ZNF395: variants seen among roughly 807,000 people sequenced by gnomAD.
ZNF395 encodes zinc finger protein 395, also known as HD gene regulatory region-binding protein 2.
In ZNF395, 20 loss-of-function variants were observed where a neutral mutation model predicts 57.7. The observed-to-expected ratio is 0.35, with a 90% confidence interval of 0.24 to 0.50. The LOEUF is 0.50. Among genes scored for constraint, ZNF395 ranks in the 20% least tolerant of loss-of-function variants. The pLI, the probability that ZNF395 is intolerant of heterozygous loss-of-function variation, is 0.97. For missense variants in ZNF395, 606 were observed against 671.2 expected, an observed-to-expected ratio of 0.90 and a Z score of 1.07; for synonymous variants, 295 against 275.9, an observed-to-expected ratio of 1.07 and a Z score of -0.69.
At chr8:28,366,297 G>GT (rs1801909865) in intron 1 of ZNF395, among the ~76,000 whole-genome samples, 1 of 152,162 alleles carries the variant, frequency 6.6e-6, no homozygotes, top group South Asian at 2.1e-4. Context: ...AGGAACAACA[G>GT]TTTAAGTTTT....
At chr8:28,375,636 ACTC>A (rs1372087161) in intron 1 of ZNF395, among the ~76,000 whole-genome samples, 2 of 151,924 alleles carry the variant, frequency 1.3e-5, no homozygotes, top group African/African-American at 4.8e-5. Context: ...TTAAAAAAGA[ACTC>A]CTCACACACA....
chr8:28,349,329 G>C, intron 8 of ZNF395, 101 bp from the exon 9 acceptor site: 1 of 880,940 alleles, frequency 1.1e-6, no homozygotes, highest in East Asian at 2.9e-5. Flanking sequence ...TCCTGGTGCA[G>C]AAGGCCTCGC....
intron 1 of ZNF395, among the ~76,000 whole-genome samples, chr8:28,385,725 G>C (rs1448791096): frequency 6.7e-6 from 1 of 148,610 alleles, no homozygotes; most frequent in Non-Finnish European, 1.5e-5. Context: ...GTCCCTGCGA[G>C]GGGCGAGTCC....
chr8:28,380,977 TA>T, intron 1 of ZNF395, among the ~76,000 whole-genome samples: 1 of 146,316 alleles, frequency 6.8e-6, no homozygotes, highest in East Asian at 2.0e-4. Context: ...GCCTCCTGAG[TA>T]GCTGGGAGTA....
chr8:28,378,182 G>A (rs528705443), intron 1 of ZNF395, among the ~76,000 whole-genome samples: 164 of 152,070 alleles, frequency 1.1e-3, no homozygotes, highest in Non-Finnish European at 1.9e-3. Flanking sequence ...AGCAGCCCTG[G>A]GTTCACAAAC....
chr8:28,378,533 A>G (rs1802072041), intron 1 of ZNF395, among the ~76,000 whole-genome samples: 2 of 152,110 alleles, frequency 1.3e-5, no homozygotes, highest in African/African-American at 4.8e-5. Context: ...GAGTCAATGC[A>G]CCTCACCTGT....
intron 1 of ZNF395, among the ~76,000 whole-genome samples, 161 bp from the exon 2 acceptor site, chr8:28,361,343 A>G (rs1801847232): frequency 6.6e-6 from 1 of 152,206 alleles, no homozygotes; most frequent in Non-Finnish European, 1.5e-5. Flanking sequence ...CAAACCACTG[A>G]GGAATCTGCC....
chr8:28,384,492 C>G (rs529648554), intron 1 of ZNF395, among the ~76,000 whole-genome samples: 11 of 152,166 alleles, frequency 7.2e-5, no homozygotes, highest in Non-Finnish European at 1.5e-4. Context: ...GTTACCATTC[C>G]CTCTCTTGGC....
Position 28,379,709 on chromosome 8 carries a change from A to G in ZNF395, c.-59+6684T>C, listed in dbSNP as rs918649071. Among the ~76,000 whole-genome samples the G allele has an allele frequency of 4.1e-4, 62 of 152,212 alleles. No individual in the cohort carries two copies. In the East Asian group the frequency reaches 0.011, roughly 27 times the overall value. On this transcript the variant is annotated intron_variant, in intron 1 of 9. Transcript: ENST00000344423. Reference sequence around the variant, plus strand: ...CTTGAGGTTGACACAGCGAGCAGGCACTCAAGATTAATCACTGAATGAATC... The same window carrying G: ...CTTGAGGTTGACACAGCGAGCAGGCGCTCAAGATTAATCACTGAATGAATC...
intron 7 of ZNF395, among the ~76,000 whole-genome samples, chr8:28,350,508 C>T (rs149555752): frequency 2.0e-5 from 3 of 152,324 alleles, no homozygotes; most frequent in South Asian, 2.1e-4. Flanking sequence ...AAGCCTTCTG[C>T]GTCTAGGGGG....
At chr8:28,353,665 A>C (rs1375377432) in intron 4 of ZNF395, among the ~76,000 whole-genome samples, 1 of 151,544 alleles carries the variant, frequency 6.6e-6, no homozygotes, top group Admixed American at 6.6e-5. Context: ...TTAAACAAAA[A>C]TTTTTTTTTA....
chr8:28,369,610 G>A (rs566458468), intron 1 of ZNF395, among the ~76,000 whole-genome samples: 4 of 152,280 alleles, frequency 2.6e-5, no homozygotes, highest in East Asian at 1.9e-4. Flanking sequence ...GCTCACTTTC[G>A]GTACCGGGTC....
chr8:28,351,750 C>A lies in ZNF395; in HGVS notation c.978G>T (p.Val326=). The change falls in exon 7 of 10, where the codon GTG becomes GTT. Residue 326 remains valine, a synonymous_variant. Coordinates refer to ENST00000344423, the MANE Select transcript of ZNF395 (RefSeq NM_018660.3). The stretch of plus-strand genomic sequence containing the variant: ...CAGCAGCAGATTCCTCCTTCAGCTG[C>A]ACCTCTGTGTAGTAGAAATCCTCCT... ...KREEDFYYTE[V]QLKEESAAAA... is the part of the protein sequence containing the mutation. 5 of 1,601,190 alleles carry A rather than the reference C, an allele frequency of 3.1e-6. No individual in the cohort carries two copies. Among genetic ancestry groups the A allele is most frequent in the Non-Finnish European group, 3.4e-6 (4 of 1,178,446 alleles).
At chr8:28,376,892 C>T (rs1802048890) in intron 1 of ZNF395, among the ~76,000 whole-genome samples, 1 of 152,186 alleles carries the variant, frequency 6.6e-6, no homozygotes. Flanking sequence ...ATTGCTTCAT[C>T]CCATATAAAA....
chr8:28,348,823 G>C lies in ZNF395; in HGVS notation c.1438C>G (p.Arg480Gly). The change falls in exon 10 of 10, where the codon CGA becomes GGA. Residue 480 changes from arginine to glycine, a missense_variant. By Grantham distance (125) the Arg-to-Gly change is moderately radical. Transcript: ENST00000344423. ...PRAQSGARKA[R>G]GEAKKCRKVY... The stretch of plus-strand genomic sequence containing the variant: ...TTGCGGCACTTCTTAGCCTCCCCTC[G>C]GGCTTTCCTGCAGAAAGAGAGGAAT... The C allele has an allele frequency of 6.2e-7, 1 of 1,613,946 alleles. No homozygotes were observed. Among genetic ancestry groups the C allele is most frequent in the Non-Finnish European group, 8.5e-7 (1 of 1,179,986 alleles).
In ZNF395 at chr8:28,348,850, C is replaced by T; in HGVS notation, c.1431-20G>A. On this transcript the variant is annotated intron_variant, in intron 9 of 9. Coordinates refer to ENST00000344423, the MANE Select transcript of ZNF395 (RefSeq NM_018660.3). ...GCTTTCCTGCAGAAAGAGAGGAATG[C>T]AAATCGAGCCCCACACAGGTGGTGG... The T allele has an allele frequency of 6.2e-7, 1 of 1,612,392 alleles. No individual in the cohort carries two copies. The highest frequency in any genetic ancestry group is 8.5e-7 in the Non-Finnish European group (1 of 1,178,728).
Position 28,349,142 on chromosome 8 carries a change from C to T in ZNF395, c.1413G>A (p.Arg471=). The change falls in exon 9 of 10, where the codon CGG becomes CGA. Residue 471 remains arginine, a synonymous_variant. Coordinates refer to ENST00000344423, the MANE Select transcript of ZNF395 (RefSeq NM_018660.3). ...KSHLIVTSPP[R]AQSGARKARG... is the part of the protein sequence containing the mutation. The stretch of plus-strand genomic sequence containing the variant: ...CATCTCACCTGGCACCACTCTGGGC[C>T]CGGGGTGGAGAAGTGACGATCAGAT... 1 of 1,565,840 alleles carries T rather than the reference C, an allele frequency of 6.4e-7. No homozygotes were observed. Among genetic ancestry groups the T allele is most frequent in the Non-Finnish European group, 8.6e-7 (1 of 1,157,648 alleles).
At chr8:28,351,838 G>C (rs1183065559) in intron 6 of ZNF395, 31 bp from the exon 7 acceptor site, 3 of 1,520,856 alleles carry the variant, frequency 2.0e-6, no homozygotes, top group Non-Finnish European at 2.6e-6. Flanking sequence ...GTATAATCAG[G>C]GGCACCCTGC....
intron 1 of ZNF395, among the ~76,000 whole-genome samples, chr8:28,363,114 GT>G (rs971096330): frequency 4.2e-5 from 6 of 143,826 alleles, no homozygotes; most frequent in African/African-American, 5.1e-5. Context: ...TAAATTGGTT[GT>G]TTTTTTTTTG....
Sources: allele counts gnomAD v4.1 joint callset (sites outside exome capture counted in the v4.1 genomes callset), GRCh38; gene constraint gnomAD v4.1.1; transcripts MANE v1.5; gene names NCBI Gene and HGNC (gene_info 2026-07-23, HGNC 2026-07-21).